Variants in RORA observed in about 807,000 individuals in gnomAD.
RORA encodes the protein RAR related orphan receptor A.
Under a neutral mutation model 69.5 loss-of-function variants are expected in RORA, and 7 were observed. The ratio of observed to expected loss-of-function variants is 0.10; its 90% CI spans 0.06 to 0.19. The LOEUF (loss-of-function observed/expected upper bound fraction) is 0.19. Ranked by LOEUF, RORA falls within the 10% of genes least tolerant of loss-of-function variation. RORA has a pLI of 1.00. For missense variants in RORA, 457 were observed against 663.0 expected, an observed-to-expected ratio of 0.69 and a Z score of 3.41; for synonymous variants, 261 against 240.8, an observed-to-expected ratio of 1.08 and a Z score of -0.78.
At chr15:61,220,222 T>C (rs906506961) in intron 1 of RORA, among the ~76,000 whole-genome samples, 1 of 152,230 alleles carries the variant, frequency 6.6e-6, no homozygotes, top group African/African-American at 2.4e-5. Flanking sequence ...TGCCTTTGCT[T>C]TCCCAATGCT....
At chr15:60,592,936 C>T in intron 2 of RORA, 1 of 455,766 alleles carries the variant, frequency 2.2e-6, no homozygotes, top group Middle Eastern at 3.3e-4. Context: ...TGCCGGAGCA[C>T]TCGGGGGCGA....
At chr15:61,223,761 C>CA (rs1211161144) in intron 1 of RORA, among the ~76,000 whole-genome samples, 1 of 152,018 alleles carries the variant, frequency 6.6e-6, no homozygotes, top group Non-Finnish European at 1.5e-5. Flanking sequence ...AAGTAAAGGA[C>CA]AAAAAATACT....
At chr15:60,610,886 T>C (rs367579631) in intron 2 of RORA, among the ~76,000 whole-genome samples, 1 of 152,204 alleles carries the variant, frequency 6.6e-6, no homozygotes, top group Non-Finnish European at 1.5e-5. Context: ...ATAGAGACTT[T>C]AGAAAATGAT....
intron 2 of RORA, among the ~76,000 whole-genome samples, chr15:60,554,334 A>T (rs2067301276): frequency 6.6e-6 from 1 of 152,218 alleles, no homozygotes. Context: ...GTCCTCATTC[A>T]AAAAGATTGA....
intron 1 of RORA, among the ~76,000 whole-genome samples, chr15:60,959,767 T>C (rs1893364671): frequency 6.6e-6 from 1 of 152,202 alleles, no homozygotes; most frequent in African/African-American, 2.4e-5. Context: ...TAAATGGTCC[T>C]GAAGGTTCTT....
intron 1 of RORA, among the ~76,000 whole-genome samples, chr15:61,010,529 T>C (rs1291539053): frequency 6.6e-6 from 1 of 152,192 alleles, no homozygotes; most frequent in Non-Finnish European, 1.5e-5. Flanking sequence ...GCCAATTGTA[T>C]GAATGCACAG....
intron 1 of RORA, among the ~76,000 whole-genome samples, chr15:61,042,717 G>A (rs1342518957): frequency 6.6e-6 from 1 of 152,160 alleles, no homozygotes; most frequent in African/African-American, 2.4e-5. Flanking sequence ...CTACCTACTC[G>A]GGACCTCGTC....
chr15:60,932,449 T>G (rs1205899180), intron 1 of RORA, among the ~76,000 whole-genome samples: 1 of 152,160 alleles, frequency 6.6e-6, no homozygotes, highest in Non-Finnish European at 1.5e-5. Context: ...CTCCCTAAGA[T>G]CAAATAAGTA....
At chr15:60,797,824 A>G (rs2072519736) in intron 1 of RORA, among the ~76,000 whole-genome samples, 2 of 152,170 alleles carry the variant, frequency 1.3e-5, no homozygotes, top group Non-Finnish European at 2.9e-5. Flanking sequence ...CTTCTCCACA[A>G]GAGGCCGGTG....
At chr15:61,170,806 T>C (rs537290685) in intron 1 of RORA, among the ~76,000 whole-genome samples, 13 of 152,202 alleles carry the variant, frequency 8.5e-5, no homozygotes, top group Non-Finnish European at 1.5e-4. Flanking sequence ...TGGATCAACC[T>C]TGAATGAAAG....
chr15:60,661,154 T>C (rs527813505), intron 2 of RORA, among the ~76,000 whole-genome samples: 1 of 151,998 alleles, frequency 6.6e-6, no homozygotes, highest in Admixed American at 6.5e-5. Flanking sequence ...TTACTTTACA[T>C]TTCAGCTCAT....
At chr15:61,198,347 C>A (rs2079863574) in intron 1 of RORA, among the ~76,000 whole-genome samples, 1 of 152,012 alleles carries the variant, frequency 6.6e-6, no homozygotes, top group Non-Finnish European at 1.5e-5. Flanking sequence ...GGAAGATAAC[C>A]TAGATCTAGG....
chr15:61,162,830 C>T (rs1277556556), intron 1 of RORA, among the ~76,000 whole-genome samples: 2 of 152,204 alleles, frequency 1.3e-5, no homozygotes, highest in African/African-American at 4.8e-5. Context: ...CAGTTTCCAG[C>T]TTCTTACAAG....
In RORA at chr15:61,076,267, C is replaced by T. The variant is rs1010128235; in HGVS notation, c.166+152786G>A. Among the ~76,000 whole-genome samples the T allele has an allele frequency of 5.9e-5, 9 of 152,156 alleles. No individual in the cohort carries two copies. In the East Asian group the frequency reaches 7.7e-4, roughly 13 times the overall value. ...CTAACACATTCCCAGGTGATGCTGA[C>T]GCTGCTGGTTCAGGGACCACACTCG... On this transcript the variant is annotated intron_variant, in intron 1 of 10. Coordinates refer to ENST00000335670, the MANE Select transcript of RORA (RefSeq NM_134261.3).
chr15:61,031,289 A>G (rs1170850055), intron 1 of RORA, among the ~76,000 whole-genome samples: 2 of 152,210 alleles, frequency 1.3e-5, no homozygotes, highest in Non-Finnish European at 2.9e-5. Flanking sequence ...TCAGATCTCT[A>G]GGTGAAGGAT....
intron 1 of RORA, among the ~76,000 whole-genome samples, chr15:60,805,168 T>C (rs1465479536): frequency 6.6e-6 from 1 of 151,972 alleles, no homozygotes; most frequent in Non-Finnish European, 1.5e-5. Flanking sequence ...TAGGCAGCCA[T>C]CCCCTCTCAC....
At chr15:60,671,738 A>G (rs1443459312) in intron 2 of RORA, among the ~76,000 whole-genome samples, 2 of 151,468 alleles carry the variant, frequency 1.3e-5, no homozygotes, top group Admixed American at 6.6e-5. Flanking sequence ...CAGCCTCCCA[A>G]GTAGCTGAGA....
At chr15:60,497,691 G>T in intron 10 of RORA, 72 bp from the exon 11 acceptor site, 1 of 1,205,308 alleles carries the variant, frequency 8.3e-7, no homozygotes. Flanking sequence ...GAACCTGAAT[G>T]ATCTTTATGA....
At chr15:60,672,530 C>G (rs1460206739) in intron 2 of RORA, among the ~76,000 whole-genome samples, 1 of 152,090 alleles carries the variant, frequency 6.6e-6, no homozygotes, top group African/African-American at 2.4e-5. Context: ...GCACTCAGTG[C>G]CCCACAAGTA....
Sources: gnomAD v4.1 joint callset for allele counts (sites outside exome capture counted in the v4.1 genomes callset) on GRCh38, gnomAD v4.1.1 for gene constraint, MANE v1.5 for transcripts, NCBI Gene and HGNC (gene_info 2026-07-23, HGNC 2026-07-21) for gene names.